MTUS2: variants seen among roughly 807,000 people sequenced by gnomAD.
The protein encoded by MTUS2 is microtubule-associated tumor suppressor candidate 2.
A neutral mutation model predicts 114.1 loss-of-function variants in MTUS2; 40 were observed. That is an observed-to-expected ratio of 0.35 (90% CI 0.27 to 0.46). The LOEUF is 0.46. Among genes scored for constraint, MTUS2 ranks in the 20% least tolerant of loss-of-function variants. MTUS2 has a pLI of 1.00. For missense variants in MTUS2, 1,679 were observed against 1,705.4 expected, an observed-to-expected ratio of 0.98 and a Z score of 0.27; for synonymous variants, 688 against 672.0, an observed-to-expected ratio of 1.02 and a Z score of -0.37.
chr13:29,236,830 G>A (rs532312676), intron 5 of MTUS2, among the ~76,000 whole-genome samples: 2 of 152,286 alleles, frequency 1.3e-5, no homozygotes, highest in South Asian at 4.1e-4. Flanking sequence ...AGAACATTCA[G>A]ACCTATGGAT....
At chr13:29,328,121 T>C (rs1900604744) in intron 7 of MTUS2, among the ~76,000 whole-genome samples, 1 of 152,210 alleles carries the variant, frequency 6.6e-6, no homozygotes, top group African/African-American at 2.4e-5. Flanking sequence ...ATATTCTGGA[T>C]ATAATTCTTT....
At position 29,465,310 on chromosome 13, in the gene MTUS2, A is replaced by T. The variant is rs1185159202; in HGVS notation, c.3185-14840A>T. 7.9e-5 allele frequency among the ~76,000 whole-genome samples: 12 copies of T among 152,160 alleles called. 1 individual carries two copies. The highest frequency in any genetic ancestry group is 7.2e-4 in the Admixed American group (11 of 15,286). ...TCCTGGTGCAATCCTCATTTTATAG[A>T]TAAGGACGGTGAGGCTTAGAGGGCT... On this transcript the variant is annotated intron_variant, in intron 9 of 15. Coordinates refer to ENST00000612955, the MANE Select transcript of MTUS2 (RefSeq NM_001033602.4).
At chr13:29,456,909 G>A (rs879595012) in intron 9 of MTUS2, among the ~76,000 whole-genome samples, 8 of 152,040 alleles carry the variant, frequency 5.3e-5, no homozygotes, top group Admixed American at 3.3e-4. Flanking sequence ...AGGCTGAGGC[G>A]GGCGAATCAC....
At chr13:28,979,372 C>T (rs1308270037) in intron 2 of MTUS2, among the ~76,000 whole-genome samples, 2 of 152,122 alleles carry the variant, frequency 1.3e-5, no homozygotes, top group Admixed American at 6.5e-5. Flanking sequence ...TGAAAATTAA[C>T]AATGCCTTTT....
chr13:29,495,172 A>C (rs1441373812), intron 12 of MTUS2, among the ~76,000 whole-genome samples: 2 of 118,164 alleles, frequency 1.7e-5, no homozygotes, highest in Admixed American at 9.5e-5. Flanking sequence ...CAAGAGCAAA[A>C]CTCCGTCTCA....
At chr13:29,243,189 A>G (rs928471590) in intron 5 of MTUS2, among the ~76,000 whole-genome samples, 1 of 152,218 alleles carries the variant, frequency 6.6e-6, no homozygotes, top group African/African-American at 2.4e-5. Flanking sequence ...GTAAAGTCAC[A>G]AGAAAGGATG....
At chr13:29,016,542 AG>A (rs1355498759) in intron 2 of MTUS2, among the ~76,000 whole-genome samples, 1 of 152,160 alleles carries the variant, frequency 6.6e-6, no homozygotes, top group Non-Finnish European at 1.5e-5. Flanking sequence ...TCCTCTGTAG[AG>A]GGGAAATAGC....
intron 10 of MTUS2, chr13:29,487,682 T>A (rs1881726241): frequency 1.7e-6 from 1 of 575,848 alleles, no homozygotes; most frequent in Non-Finnish European, 3.1e-6. Flanking sequence ...ATCCCCTGCC[T>A]GGAGTTGGAC....
intron 8 of MTUS2, among the ~76,000 whole-genome samples, chr13:29,408,993 A>G (rs1474567335): frequency 1.3e-5 from 2 of 152,190 alleles, no homozygotes; most frequent in Non-Finnish European, 2.9e-5. Context: ...CTTTTGCTCT[A>G]TCCTAAACTA....
chr13:28,935,237 C>T (rs1228711923), intron 2 of MTUS2, among the ~76,000 whole-genome samples: 1 of 152,012 alleles, frequency 6.6e-6, no homozygotes, highest in Non-Finnish European at 1.5e-5. Flanking sequence ...GGTTTTTCAG[C>T]TATTCTGCAT....
intron 4 of MTUS2, among the ~76,000 whole-genome samples, chr13:29,090,599 G>C (rs1275996363): frequency 6.6e-6 from 1 of 152,220 alleles, no homozygotes; most frequent in Non-Finnish European, 1.5e-5. Flanking sequence ...AACTATGGCA[G>C]TGGCTGCCAG....
intron 4 of MTUS2, among the ~76,000 whole-genome samples, chr13:29,087,236 G>C (rs1481546751): frequency 1.3e-5 from 2 of 152,178 alleles, no homozygotes; most frequent in Middle Eastern, 3.2e-3. Context: ...TTGGCTGTGG[G>C]TTTGTCATAG....
At chr13:29,372,372 C>T (rs1871264594) in intron 8 of MTUS2, among the ~76,000 whole-genome samples, 1 of 152,118 alleles carries the variant, frequency 6.6e-6, no homozygotes, top group African/African-American at 2.4e-5. Flanking sequence ...ATAAGCCAAG[C>T]TCCATTGAAC....
chr13:29,369,472 T>C (rs556667766), intron 8 of MTUS2, among the ~76,000 whole-genome samples: 1 of 152,314 alleles, frequency 6.6e-6, no homozygotes, highest in African/African-American at 2.4e-5. Context: ...ACAAACCTGA[T>C]TGAAACGAGG....
chr13:29,316,993 G>T, intron 6 of MTUS2, among the ~76,000 whole-genome samples: 1 of 152,112 alleles, frequency 6.6e-6, no homozygotes, highest in East Asian at 1.9e-4. Context: ...GCTTGGGGGG[G>T]AATTTACAAA....
At chr13:29,295,389 C>T (rs7997588) in intron 6 of MTUS2, among the ~76,000 whole-genome samples, 145,379 of 152,252 alleles carry the variant, frequency 0.95, 69,773 homozygotes, top group East Asian at 1. Context: ...GATGTACTTT[C>T]GTATCCATTA....
In MTUS2 at chr13:29,319,548, C is replaced by T. The variant is rs908371081; in HGVS notation, c.2807-5065C>T. 2.3e-4 allele frequency among the ~76,000 whole-genome samples: 35 copies of T among 152,318 alleles called. 1 individual carries two copies. The highest frequency in any genetic ancestry group is 5.9e-5 in the Non-Finnish European group (4 of 68,034). ...CGAGGTAGGGCTGTCATCGTCCCAA[C>T]TCACATCTTGTTTCATTCTCAAGCC... On this transcript the variant is annotated intron_variant, in intron 6 of 15. Transcript: ENST00000612955.
chr13:29,290,231 C>T (rs1293738139), intron 6 of MTUS2, among the ~76,000 whole-genome samples: 2 of 152,186 alleles, frequency 1.3e-5, no homozygotes, highest in African/African-American at 4.8e-5. Flanking sequence ...GTAGCTCTTT[C>T]CTAGGTCATG....
intron 5 of MTUS2, among the ~76,000 whole-genome samples, chr13:29,237,578 T>C (rs565731409): frequency 1.3e-5 from 2 of 152,306 alleles, no homozygotes; most frequent in African/African-American, 2.4e-5. Context: ...CACAGGACTA[T>C]CAAGACTCCA....
Sources: allele counts gnomAD v4.1 joint callset (sites outside exome capture counted in the v4.1 genomes callset), GRCh38; gene constraint gnomAD v4.1.1; transcripts MANE v1.5; gene names NCBI Gene and HGNC (gene_info 2026-07-23, HGNC 2026-07-21).